The following RBFOX2 variants were observed in gnomAD, a reference collection of about 807,000 sequenced individuals.
RBFOX2 encodes RNA binding protein fox-1 homolog 2.
Under a neutral mutation model 49.1 loss-of-function variants are expected in RBFOX2, and 10 were observed. The ratio of observed to expected loss-of-function variants is 0.20; its 90% CI spans 0.13 to 0.35. RBFOX2 has a LOEUF of 0.35. RBFOX2 is among the 10% of genes least tolerant of loss of function. The pLI, the probability that RBFOX2 is intolerant of heterozygous loss-of-function variation, is 1.00. For missense variants in RBFOX2, 323 were observed against 486.9 expected, an observed-to-expected ratio of 0.66 and a Z score of 3.17; for synonymous variants, 183 against 187.4, an observed-to-expected ratio of 0.98 and a Z score of 0.19.
chr22:35,890,347 T>A (rs1034821315), intron 1 of RBFOX2, among the ~76,000 whole-genome samples: 2 of 152,244 alleles, frequency 1.3e-5, no homozygotes, highest in Admixed American at 1.3e-4. Context: ...AAACTTTGGG[T>A]AGTACTGAAT....
At chr22:36,024,497 T>C (rs2059356252) in intron 1 of RBFOX2, among the ~76,000 whole-genome samples, 1 of 152,070 alleles carries the variant, frequency 6.6e-6, no homozygotes, top group East Asian at 1.9e-4. Flanking sequence ...ATCTCAGCAC[T>C]TTGGGAGGCC....
At chr22:35,806,908 G>A (rs911678553) in intron 2 of RBFOX2, among the ~76,000 whole-genome samples, 1 of 152,084 alleles carries the variant, frequency 6.6e-6, no homozygotes, top group East Asian at 1.9e-4. Flanking sequence ...CAGTTCAAGC[G>A]ATTCTCCTAC....
chr22:35,904,810 G>A (rs1382210525), intron 1 of RBFOX2, among the ~76,000 whole-genome samples: 6 of 152,064 alleles, frequency 3.9e-5, no homozygotes, highest in African/African-American at 1.4e-4. Flanking sequence ...CGTCTAACAC[G>A]CAGCCAGCTG....
intron 9 of RBFOX2, among the ~76,000 whole-genome samples, chr22:35,750,745 A>G (rs1014998701): frequency 1.3e-5 from 2 of 152,258 alleles, no homozygotes; most frequent in South Asian, 4.1e-4. Flanking sequence ...CCTGACCCAC[A>G]GCACTCACAT....
At chr22:35,924,498 CA>C (rs1230474845) in intron 1 of RBFOX2, among the ~76,000 whole-genome samples, 1 of 152,154 alleles carries the variant, frequency 6.6e-6, no homozygotes, top group Middle Eastern at 3.2e-3. Context: ...TCCACTTGAC[CA>C]AACCCATTAA....
chr22:35,775,878 A>G (rs935183928), intron 4 of RBFOX2, among the ~76,000 whole-genome samples: 2 of 151,380 alleles, frequency 1.3e-5, no homozygotes, highest in Non-Finnish European at 2.9e-5. Context: ...AAAAGAAAAG[A>G]AAAAGAATTG....
chr22:35,801,279 T>C (rs562533509), intron 2 of RBFOX2, among the ~76,000 whole-genome samples: 1 of 152,296 alleles, frequency 6.6e-6, no homozygotes, highest in Admixed American at 6.5e-5. Flanking sequence ...TACTAGACCA[T>C]TGTTTTTAAT....
intron 1 of RBFOX2, among the ~76,000 whole-genome samples, chr22:35,932,750 G>A (rs374371007): frequency 4.6e-5 from 7 of 152,042 alleles, no homozygotes; most frequent in Non-Finnish European, 7.4e-5. Context: ...GCTTAGTGTC[G>A]CATGTCTGTA....
intron 1 of RBFOX2, among the ~76,000 whole-genome samples, chr22:35,928,140 G>A (rs2051895012): frequency 6.6e-6 from 1 of 151,894 alleles, no homozygotes; most frequent in Non-Finnish European, 1.5e-5. Flanking sequence ...AGAAATTGAG[G>A]CTCAGAGAAC....
At chr22:35,765,375 T>C (rs1441298006) in intron 6 of RBFOX2, 48 bp downstream of exon 7, 3 of 1,322,222 alleles carry the variant, frequency 2.3e-6, no homozygotes, top group Non-Finnish European at 3.2e-6. Context: ...AAAAACTTCA[T>C]ATATTTACAC....
At chr22:36,024,149 A>G (rs1400185876) in intron 1 of RBFOX2, among the ~76,000 whole-genome samples, 1 of 152,168 alleles carries the variant, frequency 6.6e-6, no homozygotes, top group Admixed American at 6.5e-5. Flanking sequence ...GAATTTCACA[A>G]TTTTTCTTAA....
intron 1 of RBFOX2, among the ~76,000 whole-genome samples, 184 bp from the exon 3 acceptor site, chr22:35,810,188 GACACACAC>G (rs58254412): frequency 0.048 from 6,816 of 142,666 alleles, 196 homozygotes; most frequent in African/African-American, 0.076. Context: ...TATGTGGACA[GACACACAC>G]ACACACACAC....
chr22:35,768,440 G>A, intron 4 of RBFOX2, 91 bp from the exon 6 acceptor site: 1 of 1,138,692 alleles, frequency 8.8e-7, no homozygotes, highest in South Asian at 1.4e-5. Flanking sequence ...ATCATAGTAT[G>A]AAACTGACAT....
rs1443269609 is a variant in RBFOX2, at chr22:35,868,623, G to T, written c.-33-58619C>A. 2.0e-5 allele frequency among the ~76,000 whole-genome samples: 3 copies of T among 152,138 alleles called. No homozygotes were observed. In the East Asian group the frequency reaches 5.8e-4, roughly 29 times the overall value. On this transcript the variant is annotated intron_variant, in intron 1 of 13. Coordinates refer to the RBFOX2 transcript ENST00000359369. ...AAAAATTAAAAACTAGCCAGGTGTGGTGGCACGTGCCAAGTTTCCACTAAG... is the reference window on the plus strand; with the variant it reads ...AAAAATTAAAAACTAGCCAGGTGTGTTGGCACGTGCCAAGTTTCCACTAAG...
intron 1 of RBFOX2, among the ~76,000 whole-genome samples, chr22:36,015,921 G>A (rs1160800442): frequency 3.3e-5 from 5 of 152,206 alleles, no homozygotes; most frequent in Non-Finnish European, 7.3e-5. Context: ...AAATCCCTGA[G>A]AGGATGAATT....
intron 1 of RBFOX2, chr22:35,994,400 T>TA (rs2058101355): frequency 6.7e-6 from 1 of 150,044 alleles, no homozygotes; most frequent in African/African-American, 2.5e-5. Flanking sequence ...TTTATTTATT[T>TA]ATTTATTTAT....
chr22:36,003,135 T>C (rs528002715), intron 1 of RBFOX2, among the ~76,000 whole-genome samples: 2 of 152,358 alleles, frequency 1.3e-5, no homozygotes, highest in African/African-American at 4.8e-5. Context: ...CCCTTCTCTG[T>C]TCCTACAAGT....
chr22:35,921,654 C>A (rs2051038836), intron 1 of RBFOX2, among the ~76,000 whole-genome samples: 2 of 152,176 alleles, frequency 1.3e-5, no homozygotes. Flanking sequence ...ATAATTCACC[C>A]CAGCACATTG....
intron 9 of RBFOX2, 25 bp from the exon 11 acceptor site, chr22:35,756,169 A>C: frequency 6.7e-7 from 1 of 1,482,956 alleles, no homozygotes; most frequent in Middle Eastern, 1.7e-4. Flanking sequence ...CACAAAAACA[A>C]AAACAAAAAA....
Sources: gnomAD v4.1 joint callset for allele counts (sites outside exome capture counted in the v4.1 genomes callset) on GRCh38, gnomAD v4.1.1 for gene constraint, MANE v1.5 for transcripts, NCBI Gene and HGNC (gene_info 2026-07-23, HGNC 2026-07-21) for gene names.